The following OSBP2 variants were observed in gnomAD, a reference collection of about 807,000 sequenced individuals.
The protein encoded by OSBP2 is oxysterol binding protein 2.
OSBP2 carries 66 observed loss-of-function variants against 96.0 expected under a neutral mutation model. The observed-to-expected ratio is 0.69, with a 90% CI of 0.56 to 0.84. The LOEUF (loss-of-function observed/expected upper bound fraction) is 0.84. OSBP2 is among the 40% of genes least tolerant of loss of function. The pLI, the probability that OSBP2 is intolerant of heterozygous loss-of-function variation, is 0.00. For missense variants in OSBP2, 1,038 were observed against 1,222.7 expected (o/e 0.85, Z 2.25); for synonymous variants, 525 against 520.9 (o/e 1.01, Z -0.11).
At chr22:30,775,477 C>T (rs566889870) in intron 2 of OSBP2, among the ~76,000 whole-genome samples, 117 of 150,624 alleles carry the variant, frequency 7.8e-4, no homozygotes, top group African/African-American at 2.7e-3. Context: ...ATGAGCTGGG[C>T]GTGGTGGTGG....
intron 8 of OSBP2, among the ~76,000 whole-genome samples, chr22:30,892,429 G>GTCTGAGGGGAGATGAGATGTCCA (rs1261826634): frequency 6.6e-6 from 1 of 152,098 alleles, no homozygotes; most frequent in Non-Finnish European, 1.5e-5. Context: ...GGCTCTGCCT[G>GTCTGAGGGGAGATGAGATGTCCA]TCTGAGGGGA....
At chr22:30,748,272 G>A (rs1234433824) in intron 2 of OSBP2, among the ~76,000 whole-genome samples, 1 of 151,612 alleles carries the variant, frequency 6.6e-6, no homozygotes, top group Non-Finnish European at 1.5e-5. Flanking sequence ...TGCAACCTCC[G>A]CCTCCTGAGG....
chr22:30,876,672 G>A (rs2039586966), intron 3 of OSBP2, among the ~76,000 whole-genome samples: 1 of 152,204 alleles, frequency 6.6e-6, no homozygotes, highest in East Asian at 1.9e-4. Context: ...ATGAGGGGCT[G>A]GGACAGGCCC....
At position 30,870,351 on chromosome 22, in the gene OSBP2, C is replaced by T; in HGVS notation, c.854-78C>T. ...TTTGAATGGCGCTATCCACCCTGCC[C>T]TGCTCGGCCTGGCTGTGCAGGCCTC... On this transcript the variant is annotated intron_variant, in intron 2 of 13. Transcript: ENST00000332585. This position sits in a 1 kb window ranked among gnomAD's most constrained non-coding sequence, Gnocchi z 4.1. 6.8e-7 allele frequency: 1 copy of T among 1,479,506 alleles called. No individual in the cohort carries two copies. 91.6% of individuals were successfully genotyped at this position (1,479,506 alleles called of 1,614,324 possible).
At chr22:30,866,956 G>A (rs1449453637) in intron 2 of OSBP2, among the ~76,000 whole-genome samples, 3 of 152,216 alleles carry the variant, frequency 2.0e-5, no homozygotes, top group Non-Finnish European at 4.4e-5. Flanking sequence ...TGGGCTTGGG[G>A]TGAGGCCCAC....
chr22:30,794,351 T>C (rs1035131372), intron 2 of OSBP2, among the ~76,000 whole-genome samples: 1 of 148,014 alleles, frequency 6.8e-6, no homozygotes, highest in Non-Finnish European at 1.5e-5. Flanking sequence ...AACCTCCGCC[T>C]CCCGGTGGGT....
chr22:30,695,077 C>G lies in OSBP2; in HGVS notation c.168C>G (p.Pro56=), dbSNP rs41279967. ...SGPEPKPQPQ[P]VPEPERGPLS... is the part of the protein sequence containing the mutation. ...CGGAGCCCAAGCCCCAGCCCCAGCC[C>G]GTGCCCGAACCGGAGCGGGGACCGC... Residue 56 remains proline (P), a synonymous_variant, in exon 1 of 14, where the codon CCC becomes CCG. Transcript: ENST00000332585. The G allele has an allele frequency of 3.8e-6, 6 of 1,580,178 alleles. No homozygotes were observed. The highest frequency in any genetic ancestry group is 4.3e-6 in the Non-Finnish European group (5 of 1,163,740).
chr22:30,868,463 C>T (rs1431498923), intron 2 of OSBP2, among the ~76,000 whole-genome samples: 1 of 152,242 alleles, frequency 6.6e-6, no homozygotes, highest in Admixed American at 6.5e-5. Flanking sequence ...TGCAGACACG[C>T]TGTGGCCTCT....
chr22:30,870,569 C>A lies in OSBP2; in HGVS notation c.994C>A (p.Arg332Ser). The A allele has an allele frequency of 1.2e-6, 2 of 1,614,002 alleles. No individual in the cohort carries two copies. Among genetic ancestry groups the A allele is most frequent in the South Asian group, 2.2e-5 (2 of 91,084 alleles). ...CGCCAAGCACGGCGCTGCACTCCAG[C>A]GCTCCCTGACAGAGCTGGACGGCCT... is the stretch of plus-strand genomic sequence containing the variant. ...LIAKHGAALQ[R>S]SLTELDGLKI... The change falls in exon 3 of 14, where the codon CGC becomes AGC. Residue 332 changes from arginine (R) to serine (S), a missense_variant. Physicochemically the swap from Arg to Ser is moderately radical, Grantham distance 110. This residue lies in a region of OSBP2 where 737 missense variants were observed against 913.3 expected (regional missense o/e 0.81). Transcript: ENST00000332585. The surrounding 1 kb of genome is among the most constrained non-coding windows in gnomAD (Gnocchi z 4.1).
Position 30,729,030 on chromosome 22 carries a change from TTAATC to T in OSBP2, c.645-12130_645-12126del, listed in dbSNP as rs2089700980. ...CCGAAATCCACAGGAGTAAAATTGC[TTAATC>T]ATGAGACACATATGCATTCACTGAT... On this transcript the variant is annotated intron_variant, in intron 1 of 13. Transcript: ENST00000332585. Among the ~76,000 whole-genome samples the T allele has an allele frequency of 2.0e-5, 3 of 152,340 alleles. No individual in the cohort carries two copies. In the South Asian group the frequency reaches 6.2e-4, roughly 32 times the overall value.
chr22:30,708,076 CAG>C (rs1247835215), intron 1 of OSBP2, among the ~76,000 whole-genome samples: 1 of 151,854 alleles, frequency 6.6e-6, no homozygotes, highest in African/African-American at 2.4e-5. Context: ...TTAGTAGAGA[CAG>C]GGTTGTGCCG....
chr22:30,897,443 T>A (rs1386332066), intron 12 of OSBP2, among the ~76,000 whole-genome samples: 2 of 152,316 alleles, frequency 1.3e-5, no homozygotes, highest in Non-Finnish European at 2.9e-5. Context: ...AAAAACTGAT[T>A]GTGTAGTAAA....
At chr22:30,823,807 A>G (rs1439989060) in intron 2 of OSBP2, among the ~76,000 whole-genome samples, 2 of 152,226 alleles carry the variant, frequency 1.3e-5, no homozygotes, top group African/African-American at 4.8e-5. Context: ...AATTTCGTCC[A>G]AAGTGTGTGT....
intron 1 of OSBP2, among the ~76,000 whole-genome samples, chr22:30,702,680 C>T (rs2089183518): frequency 6.6e-6 from 1 of 152,112 alleles, no homozygotes; most frequent in Non-Finnish European, 1.5e-5. Flanking sequence ...AAGCAGATCC[C>T]TGTATTGAAT....
intron 3 of OSBP2, chr22:30,872,295 C>T (rs1028882554): frequency 2.2e-6 from 1 of 456,534 alleles, no homozygotes; most frequent in Admixed American, 2.3e-5. Flanking sequence ...TTTGTATTTC[C>T]CTGTCCCTCC....
intron 1 of OSBP2, among the ~76,000 whole-genome samples, chr22:30,715,050 GTTTC>G (rs2089425193): frequency 6.6e-6 from 1 of 150,742 alleles, no homozygotes; most frequent in South Asian, 2.1e-4. Flanking sequence ...CACTGAAAAT[GTTTC>G]TTTTTTTTTT....
chr22:30,745,199 C>A (rs1458146047), intron 2 of OSBP2, among the ~76,000 whole-genome samples: 1 of 151,874 alleles, frequency 6.6e-6, no homozygotes, highest in Admixed American at 6.6e-5. Context: ...TCTATCTAAT[C>A]CTCATTTGTG....
intron 2 of OSBP2, among the ~76,000 whole-genome samples, chr22:30,794,860 C>T: frequency 6.6e-6 from 1 of 151,454 alleles, no homozygotes; most frequent in South Asian, 2.1e-4. Context: ...TACATGTATA[C>T]ATTCCACAAA....
intron 2 of OSBP2, among the ~76,000 whole-genome samples, chr22:30,760,968 ACTC>A (rs1198752882): frequency 2.6e-5 from 4 of 152,110 alleles, no homozygotes; most frequent in African/African-American, 9.7e-5. Context: ...AAACTAGGAG[ACTC>A]CTCCACCTGA....
Sources: gnomAD v4.1 joint callset for allele counts (sites outside exome capture counted in the v4.1 genomes callset) on GRCh38, gnomAD v4.1.1 for gene constraint, gnomAD v4.1.1 regional missense constraint, Gnocchi (gnomAD v3.1) non-coding constraint, MANE v1.5 for transcripts, NCBI Gene and HGNC (gene_info 2026-07-23, HGNC 2026-07-21) for gene names.